GAB1: variants seen among roughly 807,000 people sequenced by gnomAD.
GAB1 encodes the protein GRB2 associated binding protein 1, also known as GRB2-associated-binding protein 1.
A neutral mutation model predicts 66.5 loss-of-function variants in GAB1; 19 were observed. The ratio of observed to expected loss-of-function variants is 0.29; its 90% confidence interval spans 0.20 to 0.42. GAB1 has a LOEUF of 0.42. GAB1 is among the 10% of genes least tolerant of loss of function. The probability of loss-of-function intolerance (pLI) is 1.00; values close to 1 mark genes in which losing one functional copy is unlikely to be tolerated. For synonymous variants in GAB1, 294 were observed against 301.4 expected, an observed-to-expected ratio of 0.98 and a Z score of 0.25; for missense variants, 732 against 858.5, an observed-to-expected ratio of 0.85 and a Z score of 1.84.
chr4:143,464,833 A>G (rs571061418), intron 8 of GAB1, among the ~76,000 whole-genome samples: 3 of 152,232 alleles, frequency 2.0e-5, no homozygotes, highest in Non-Finnish European at 4.4e-5. Context: ...TCCTAGAAGT[A>G]TCCTTTCCCT....
intron 1 of GAB1, chr4:143,380,818 G>A (rs1018846560): frequency 6.6e-6 from 1 of 152,206 alleles, no homozygotes; most frequent in Non-Finnish European, 1.5e-5. Flanking sequence ...AAATAGTTAC[G>A]TATATTTACA....
chr4:143,375,041 G>T (rs1246794500), intron 1 of GAB1, among the ~76,000 whole-genome samples: 1 of 152,150 alleles, frequency 6.6e-6, no homozygotes, highest in Non-Finnish European at 1.5e-5. Flanking sequence ...TCCGCCCCCT[G>T]GGCTCAAGGG....
At chr4:143,446,022 C>T (rs1374875142) in intron 6 of GAB1, among the ~76,000 whole-genome samples, 1 of 152,092 alleles carries the variant, frequency 6.6e-6, no homozygotes, top group Non-Finnish European at 1.5e-5. Flanking sequence ...CAATTCCCAT[C>T]TATGAGTGAG....
At chr4:143,389,188 A>G (rs1224354639) in intron 1 of GAB1, among the ~76,000 whole-genome samples, 2 of 152,262 alleles carry the variant, frequency 1.3e-5, no homozygotes. Context: ...GATTTAGCTT[A>G]TGGAGTACCA....
At chr4:143,367,683 C>T (rs1315765726) in intron 1 of GAB1, among the ~76,000 whole-genome samples, 2 of 147,314 alleles carry the variant, frequency 1.4e-5, no homozygotes, top group African/African-American at 2.5e-5. Flanking sequence ...TTTGGATCAA[C>T]CTTAAGTCAG....
intron 6 of GAB1, among the ~76,000 whole-genome samples, chr4:143,455,215 T>A (rs1217965307): frequency 6.6e-6 from 1 of 152,106 alleles, no homozygotes; most frequent in African/African-American, 2.4e-5. Context: ...ACTCTGAAAA[T>A]TTGTACCTAA....
chr4:143,340,153 G>C (rs1334802953), intron 1 of GAB1, among the ~76,000 whole-genome samples: 1 of 152,172 alleles, frequency 6.6e-6, no homozygotes. Context: ...TGCTAAAGTA[G>C]CTTTGACCAT....
chr4:143,451,899 TAA>T (rs11316624), intron 6 of GAB1, among the ~76,000 whole-genome samples: 24 of 148,980 alleles, frequency 1.6e-4, no homozygotes, highest in African/African-American at 3.4e-4. Flanking sequence ...AGTGCTCATT[TAA>T]AAAAAAAAAA....
chr4:143,373,571 A>G (rs990576409), intron 1 of GAB1, among the ~76,000 whole-genome samples: 4 of 152,104 alleles, frequency 2.6e-5, no homozygotes, highest in Admixed American at 2.0e-4. Context: ...GCTCACGCCT[A>G]TAACCCTAGC....
In GAB1 at chr4:143,438,482, G is replaced by T; in HGVS notation, c.1077G>T (p.Thr359=). 1.2e-6 allele frequency: 2 copies of T among 1,613,816 alleles called. No individual in the cohort carries two copies. The highest frequency in any genetic ancestry group is 1.7e-6 in the Non-Finnish European group (2 of 1,179,948). The change falls in exon 4 of 10, where the codon ACG becomes ACT. Residue 359 remains threonine (T), a synonymous_variant. Transcript: ENST00000262994. ...CTCATGACCGATCTCCTGTGGAAAC[G>T]TGTAGTATCCCACGCACCGCCTCAG... ...HPAHDRSPVE[T]CSIPRTASDT...
chr4:143,411,296 G>T (rs1453865060), intron 1 of GAB1, among the ~76,000 whole-genome samples: 1 of 152,136 alleles, frequency 6.6e-6, no homozygotes, highest in Non-Finnish European at 1.5e-5. Flanking sequence ...CTTAACTGTT[G>T]ACTTCTTGTT....
chr4:143,469,323 C>A lies in GAB1; in HGVS notation c.*134C>A. On this transcript the variant is annotated 3_prime_UTR_variant, in exon 10 of 10. Coordinates refer to ENST00000262994, the MANE Select transcript of GAB1 (RefSeq NM_002039.4). The stretch of plus-strand genomic sequence containing the variant: ...AGTTGAAGTCAAAGGACCTTTCTGA[C>A]ATAATCAAGCAATTTAGACTTAAGT... The A allele has an allele frequency of 3.5e-6, 3 of 847,012 alleles. No homozygotes were observed. The highest frequency in any genetic ancestry group is 2.4e-4 in the Middle Eastern group (1 of 4,104). The allele number at this position is 847,012 out of a possible 1,614,324, so 52.5% of individuals were successfully genotyped here.
intron 1 of GAB1, among the ~76,000 whole-genome samples, chr4:143,383,643 GTT>G (rs1730752132): frequency 6.6e-6 from 1 of 151,932 alleles, no homozygotes; most frequent in East Asian, 1.9e-4. Context: ...ACTATAAACT[GTT>G]TTGAAACTGG....
At chr4:143,339,462 G>A (rs1728758562) in intron 1 of GAB1, among the ~76,000 whole-genome samples, 1 of 152,260 alleles carries the variant, frequency 6.6e-6, no homozygotes, top group Admixed American at 6.5e-5. Context: ...AGTGAGCAGA[G>A]TTTGTGCCAT....
chr4:143,434,630 G>A (rs1209288051), intron 3 of GAB1, among the ~76,000 whole-genome samples: 1 of 152,042 alleles, frequency 6.6e-6, no homozygotes, highest in Non-Finnish European at 1.5e-5. Flanking sequence ...CACTGGGATT[G>A]CAGGTGTGAG....
At chr4:143,349,639 T>A in intron 1 of GAB1, 6 of 1,476,680 alleles carry the variant, frequency 4.1e-6, no homozygotes, top group Non-Finnish European at 5.5e-6. Flanking sequence ...CTTGCCGATC[T>A]TGTTCCCCCA....
chr4:143,360,082 T>A (rs1272923826), intron 1 of GAB1, among the ~76,000 whole-genome samples: 1 of 152,238 alleles, frequency 6.6e-6, no homozygotes, highest in East Asian at 1.9e-4. Flanking sequence ...CTGTTTATTG[T>A]ATGTTGCATA....
intron 1 of GAB1, among the ~76,000 whole-genome samples, chr4:143,364,963 C>T (rs919849199): frequency 2.0e-5 from 3 of 149,214 alleles, no homozygotes; most frequent in South Asian, 2.1e-4. Context: ...CTGCAAGCTC[C>T]GCCTCCCGGG....
chr4:143,354,873 T>C lies in GAB1; in HGVS notation c.72+17613T>C, dbSNP rs1045479024. ...TATGCACAATACATTTTTTAGCAAA[T>C]GTGCTTTGCCCCAAGTTGGAGAATT... is the stretch of plus-strand genomic sequence containing the variant. On this transcript the variant is annotated intron_variant, in intron 1 of 9. Coordinates refer to ENST00000262994, the MANE Select transcript of GAB1 (RefSeq NM_002039.4). 3.3e-5 allele frequency among the ~76,000 whole-genome samples: 5 copies of C among 152,196 alleles called. No homozygotes were observed. In the South Asian group the frequency reaches 1.0e-3, roughly 32 times the overall value.
Sources: gnomAD v4.1 joint callset for allele counts (sites outside exome capture counted in the v4.1 genomes callset) on GRCh38, gnomAD v4.1.1 for gene constraint, MANE v1.5 for transcripts, NCBI Gene and HGNC (gene_info 2026-07-23, HGNC 2026-07-21) for gene names.